KIAA1549: variants seen among roughly 807,000 people sequenced by gnomAD.
KIAA1549 encodes the protein UPF0606 protein KIAA1549.
KIAA1549 carries 70 observed loss-of-function variants against 156.4 expected under a neutral mutation model. The observed-to-expected ratio is 0.45, with a 90% CI of 0.37 to 0.55. KIAA1549 has a LOEUF of 0.55. KIAA1549 is among the 20% of genes least tolerant of loss of function. The pLI, the probability that KIAA1549 is intolerant of heterozygous loss-of-function variation, is 0.00. For missense variants in KIAA1549, 2,428 were observed against 2,540.9 expected (o/e 0.96, Z 0.96); for synonymous variants, 1,103 against 1,066.4 (o/e 1.03, Z -0.67).
At chr7:138,923,998 T>C (rs1454986777) in intron 1 of KIAA1549, among the ~76,000 whole-genome samples, 1 of 152,224 alleles carries the variant, frequency 6.6e-6, no homozygotes, top group Non-Finnish European at 1.5e-5. Context: ...CAAAGATTTT[T>C]TAATCGATAT....
At chr7:138,886,687 A>T (rs190303293) in intron 10 of KIAA1549, among the ~76,000 whole-genome samples, 1 of 152,284 alleles carries the variant, frequency 6.6e-6, no homozygotes, top group Non-Finnish European at 1.5e-5. Context: ...AACACAATTT[A>T]CAAAAATGAA....
chr7:138,980,826 C>T lies in KIAA1549; in HGVS notation c.187+257G>A, dbSNP rs562981770. Among the ~76,000 whole-genome samples, 5 of 152,358 alleles carry T rather than the reference C, an allele frequency of 3.3e-5. No individual in the cohort carries two copies. The East Asian group carries it at 9.6e-4, about 29-fold the overall frequency. On this transcript the variant is annotated intron_variant, in intron 1 of 19. Coordinates refer to ENST00000422774, the MANE Select transcript of KIAA1549 (RefSeq NM_001164665.2). ...GAAGCCACCAGACCCGCTTCGGGTT[C>T]CATGGACAAGAGAACAGCTTTGCAG...
chr7:138,961,601 CTATAAT>C (rs1813850864), intron 1 of KIAA1549, among the ~76,000 whole-genome samples: 1 of 152,208 alleles, frequency 6.6e-6, no homozygotes, highest in Admixed American at 6.5e-5. Context: ...TCCACAGATA[CTATAAT>C]TATAAACTAC....
chr7:138,912,662 C>T (rs1812202965), intron 2 of KIAA1549, among the ~76,000 whole-genome samples: 1 of 151,914 alleles, frequency 6.6e-6, no homozygotes, highest in Non-Finnish European at 1.5e-5. Context: ...CAGTGGGGAC[C>T]TTGAAGACAC....
Position 138,919,104 on chromosome 7 carries a change from T to C in KIAA1549, c.522A>G (p.Pro174=), listed in dbSNP as rs1812457500. 2 of 1,613,902 alleles carry C rather than the reference T, an allele frequency of 1.2e-6. No homozygotes were observed. ...THWTTPRMVS[P]IQYITVSPPG... Reference sequence around the variant, plus strand: ...GTGGGCTGACTGTGATATACTGTATTGGAGAAACCATCCGTGGAGTGGTCC... The same window carrying C: ...GTGGGCTGACTGTGATATACTGTATCGGAGAAACCATCCGTGGAGTGGTCC... Residue 174 remains proline, a synonymous_variant, in exon 2 of 20, where the codon CCA becomes CCG. Coordinates refer to ENST00000422774, the MANE Select transcript of KIAA1549 (RefSeq NM_001164665.2).
At chr7:138,960,083 A>T (rs986659595) in intron 1 of KIAA1549, among the ~76,000 whole-genome samples, 6 of 152,090 alleles carry the variant, frequency 3.9e-5, no homozygotes, top group African/African-American at 1.4e-4. Flanking sequence ...GTCCAGGAGA[A>T]ACAGAATTTG....
chr7:138,946,508 G>A (rs1394210186), intron 1 of KIAA1549, among the ~76,000 whole-genome samples: 2 of 152,026 alleles, frequency 1.3e-5, no homozygotes, highest in Admixed American at 6.6e-5. Context: ...GGCCGGGCAC[G>A]GTGGCTCACG....
intron 10 of KIAA1549, among the ~76,000 whole-genome samples, chr7:138,881,926 T>G (rs1811256746): frequency 1.3e-5 from 2 of 152,132 alleles, no homozygotes; most frequent in African/African-American, 4.8e-5. Context: ...CAGACAGGAC[T>G]TGGAAACAGA....
intron 2 of KIAA1549, among the ~76,000 whole-genome samples, chr7:138,914,088 C>T (rs1215589274): frequency 6.6e-6 from 1 of 151,874 alleles, no homozygotes; most frequent in African/African-American, 2.4e-5. Flanking sequence ...GAAACAGAGG[C>T]AGAATGGGAA....
At chr7:138,879,388 C>T (rs763279912) in intron 12 of KIAA1549, 150 bp downstream of exon 12, 1 of 592,520 alleles carries the variant, frequency 1.7e-6, no homozygotes, top group East Asian at 2.8e-5. Flanking sequence ...TAGATGGTGA[C>T]AACTGGTGCT....
intron 10 of KIAA1549, among the ~76,000 whole-genome samples, chr7:138,885,156 T>C (rs1409626787): frequency 2.0e-5 from 3 of 152,174 alleles, no homozygotes; most frequent in African/African-American, 7.2e-5. Flanking sequence ...GATCGAACCG[T>C]TGTACTCCAG....
At chr7:138,969,564 ATTTATGG>A (rs1343284919) in intron 1 of KIAA1549, among the ~76,000 whole-genome samples, 1 of 152,120 alleles carries the variant, frequency 6.6e-6, no homozygotes, top group Admixed American at 6.5e-5. Flanking sequence ...TGGTACGTAT[ATTTATGG>A]GTTATATGAG....
In KIAA1549 at chr7:138,917,753, T is replaced by C. The variant is rs545908504; in HGVS notation, c.1873A>G (p.Ser625Gly). The C allele has an allele frequency of 4.4e-6, 7 of 1,583,032 alleles. No individual in the cohort carries two copies. In the African/African-American group the frequency reaches 6.7e-5, roughly 15 times the overall value. ...TCCAGCGGGGGTGTTGAGAAAAAGC[T>C]GGATGCAAAATCCAAAGCACCTCTG... ...KPRGALDFASSFFSTPPLELS... is the reference protein window; with the variant it reads ...KPRGALDFASGFFSTPPLELS... Residue 625 changes from serine (S) to glycine (G), a missense_variant, in exon 2 of 20, where the codon AGC becomes GGC. This residue lies in a region of KIAA1549 where 893 missense variants were observed against 847.9 expected (regional missense o/e 1.05). Transcript: ENST00000422774.
chr7:138,868,572 C>T (rs910462002), intron 14 of KIAA1549, among the ~76,000 whole-genome samples: 4 of 152,240 alleles, frequency 2.6e-5, no homozygotes, highest in East Asian at 1.9e-4. Context: ...GGATTACAGG[C>T]GCCTGCCACC....
intron 15 of KIAA1549, among the ~76,000 whole-genome samples, chr7:138,862,448 G>C (rs1584711688): frequency 1.3e-5 from 2 of 149,628 alleles, no homozygotes; most frequent in African/African-American, 4.9e-5. Flanking sequence ...AGGTTGCAGT[G>C]AGCTATGACT....
rs564730234 is a variant in KIAA1549, at chr7:138,893,401, G to A, written c.4032+941C>T. Among the ~76,000 whole-genome samples, 16 of 151,950 alleles carry A rather than the reference G, an allele frequency of 1.1e-4. No homozygotes were observed. In the South Asian group the frequency reaches 2.9e-3, roughly 28 times the overall value. ...GGAGTGGGGGGAGGTATTAAAAATC[G>A]AGAGAACTTTGCATTCAGGTAGCTT... On this transcript the variant is annotated intron_variant, in intron 10 of 19. Coordinates refer to ENST00000422774, the MANE Select transcript of KIAA1549 (RefSeq NM_001164665.2).
chr7:138,845,834 AGTT>A (rs1218251197), intron 17 of KIAA1549, among the ~76,000 whole-genome samples: 1 of 152,114 alleles, frequency 6.6e-6, no homozygotes, highest in Non-Finnish European at 1.5e-5. Flanking sequence ...AAATACTGGC[AGTT>A]GTTTTTCTTG....
chr7:138,893,566 T>C (rs1811601442), intron 10 of KIAA1549, among the ~76,000 whole-genome samples: 1 of 152,226 alleles, frequency 6.6e-6, no homozygotes, highest in African/African-American at 2.4e-5. Context: ...TGTTGAAGGA[T>C]TGGCAAATAA....
chr7:138,901,240 A>G (rs1811831717), intron 8 of KIAA1549, among the ~76,000 whole-genome samples: 1 of 151,754 alleles, frequency 6.6e-6, no homozygotes, highest in African/African-American at 2.4e-5. Flanking sequence ...ACATTTTAGC[A>G]TTTTCCTTCT....
Sources: allele counts gnomAD v4.1 joint callset (sites outside exome capture counted in the v4.1 genomes callset), GRCh38; gene constraint gnomAD v4.1.1; regional missense constraint gnomAD v4.1.1; transcripts MANE v1.5; gene names NCBI Gene and HGNC (gene_info 2026-07-23, HGNC 2026-07-21).